Variants in CTNND1 observed in about 807,000 individuals in gnomAD.
CTNND1 encodes catenin delta-1.
Under a neutral mutation model 112.1 loss-of-function variants are expected in CTNND1, and 16 were observed. That is an observed-to-expected ratio of 0.14 (90% CI 0.10 to 0.22). The LOEUF (loss-of-function observed/expected upper bound fraction) is 0.22, where lower values mean the gene tolerates loss of function less well. Among genes scored for constraint, CTNND1 ranks in the 10% least tolerant of loss-of-function variants. CTNND1 has a pLI of 1.00. For synonymous variants in CTNND1, 420 were observed against 446.5 expected (o/e 0.94, Z 0.75); for missense variants, 1,008 against 1,257.0 (o/e 0.80, Z 3.00).
intron 1 of CTNND1, among the ~76,000 whole-genome samples, chr11:57,777,218 C>G (rs1954516442): frequency 6.6e-6 from 1 of 152,142 alleles, no homozygotes. Flanking sequence ...CTATTCAACC[C>G]TAGAATGGCT....
intron 7 of CTNND1, 73 bp from the exon 8 acceptor site, chr11:57,803,548 G>A: frequency 8.5e-7 from 1 of 1,172,476 alleles, no homozygotes; most frequent in Non-Finnish European, 1.2e-6. Flanking sequence ...TACGATAGGG[G>A]GATTCTCTTT....
In CTNND1 at chr11:57,786,556, G is replaced by A. The variant is rs78101930; in HGVS notation, c.-213-2481G>A. Reference sequence around the variant, plus strand: ...TCAAAAAAATAAATAAATAAAAAATGTAAGTGGCAAAGCTGGAAAGGCATT... The same window carrying A: ...TCAAAAAAATAAATAAATAAAAAATATAAGTGGCAAAGCTGGAAAGGCATT... On this transcript the variant is annotated intron_variant, in intron 1 of 20. Coordinates refer to ENST00000399050, the MANE Select transcript of CTNND1 (RefSeq NM_001085458.2). 9.7e-4 allele frequency among the ~76,000 whole-genome samples: 148 copies of A among 152,178 alleles called. 3 individuals are homozygous for A. The East Asian group carries it at 0.026, about 27-fold the overall frequency.
intron 16 of CTNND1, among the ~76,000 whole-genome samples, chr11:57,810,601 A>C (rs1271556983): frequency 6.6e-6 from 1 of 152,066 alleles, no homozygotes; most frequent in Non-Finnish European, 1.5e-5. Flanking sequence ...CTAGGATTAC[A>C]GGCATGAGCC....
At chr11:57,811,558 G>A in intron 17 of CTNND1, 72 bp downstream of exon 17, 1 of 971,938 alleles carries the variant, frequency 1.0e-6, no homozygotes, top group South Asian at 1.5e-5. Context: ...CTAAGAAATA[G>A]GATATATATT....
At position 57,816,397 on chromosome 11, in the gene CTNND1, A is replaced by C; in HGVS notation, c.*89A>C. 6.4e-7 allele frequency: 1 copy of C among 1,552,054 alleles called. No individual in the cohort carries two copies. Among genetic ancestry groups the C allele is most frequent in the Non-Finnish European group, 8.9e-7 (1 of 1,127,376 alleles). ...GATGATTTTCCTTTTTCTTCGCTGG[A>C]CTATTGTGCCAACTGCCAGGCTGCC... On this transcript the variant is annotated 3_prime_UTR_variant, in exon 21 of 21. Coordinates refer to ENST00000399050, the MANE Select transcript of CTNND1 (RefSeq NM_001085458.2).
At position 57,796,627 on chromosome 11, in the gene CTNND1, T is replaced by C. The variant is rs923476670; in HGVS notation, c.591T>C (p.Ala197=). 2 of 1,614,046 alleles carry C rather than the reference T, an allele frequency of 1.2e-6. No individual in the cohort carries two copies. The highest frequency in any genetic ancestry group is 1.7e-6 in the Non-Finnish European group (2 of 1,179,902). ...NGGPGPYVGQ[A]GTATLPRNFH... ...GACCTGGTCCCTATGTGGGGCAAGC[T>C]GGCACTGCTACCCTTCCTAGGAACT... Residue 197 remains alanine (A), a synonymous_variant, in exon 6 of 21, where the codon GCT becomes GCC. Transcript: ENST00000399050.
chr11:57,781,183 C>T (rs997327034), intron 1 of CTNND1, among the ~76,000 whole-genome samples: 2 of 152,022 alleles, frequency 1.3e-5, no homozygotes, highest in African/African-American at 2.4e-5. Flanking sequence ...GTGATCCACC[C>T]GCCTCAGCCT....
intron 1 of CTNND1, among the ~76,000 whole-genome samples, chr11:57,786,294 G>A (rs1267095399): frequency 6.6e-6 from 1 of 151,860 alleles, no homozygotes; most frequent in Non-Finnish European, 1.5e-5. Flanking sequence ...AGCACTATGG[G>A]AGGCTGAGGC....
In CTNND1 at chr11:57,767,254, C is replaced by A. The variant is rs139843952; in HGVS notation, c.-214+5135C>A. Among the ~76,000 whole-genome samples the A allele has an allele frequency of 4.7e-3, 717 of 152,168 alleles. 5 individuals are homozygous for A. The highest frequency in any genetic ancestry group is 0.017 in the African/African-American group (695 of 41,540). On this transcript the variant is annotated intron_variant, in intron 1 of 20. Transcript: ENST00000399050. ...CAGATTACAGTCTTGAGCCACTGCG[C>A]CCGGCCAGAATTTTATCTTAAAGCC...
intron 17 of CTNND1, 47 bp downstream of exon 17, chr11:57,811,533 G>GT (rs1335037873): frequency 1.6e-6 from 2 of 1,267,852 alleles, no homozygotes; most frequent in Admixed American, 3.8e-5. Context: ...CACTCTTGCT[G>GT]TTCTAGGTGG....
chr11:57,766,541 C>T lies in CTNND1; in HGVS notation c.-214+4422C>T, dbSNP rs117384865. On this transcript the variant is annotated intron_variant, in intron 1 of 20. Transcript: ENST00000399050. ...AAGTACAAATATTCTTTCATGTTCT[C>T]TTCCCTCAAAGAAGGGTTAAATGAC... is the stretch of plus-strand genomic sequence containing the variant. Among the ~76,000 whole-genome samples, 109 of 152,302 alleles carry T rather than the reference C, an allele frequency of 7.2e-4. No homozygotes were observed. In the East Asian group the frequency reaches 0.013, roughly 19 times the overall value.
rs192269566 is a variant in CTNND1 at position 57,813,507 on chromosome 11, G to A, written c.2639-804G>A. Among the ~76,000 whole-genome samples, 43 of 152,316 alleles carry A rather than the reference G, an allele frequency of 2.8e-4. No homozygotes were observed. The East Asian group carries it at 5.2e-3, about 18-fold the overall frequency. On this transcript the variant is annotated intron_variant, in intron 17 of 20. Transcript: ENST00000399050. ...AAAATCGTACATAGGTAATTGATCCGTTAAAAGTGCAAGATGGACCAATGG... is the reference window on the plus strand; with the variant it reads ...AAAATCGTACATAGGTAATTGATCCATTAAAAGTGCAAGATGGACCAATGG...
chr11:57,767,958 C>T (rs908314428), intron 1 of CTNND1, among the ~76,000 whole-genome samples: 2 of 151,802 alleles, frequency 1.3e-5, no homozygotes, highest in Non-Finnish European at 2.9e-5. Flanking sequence ...CTCAGCCTCC[C>T]GAGTAGCTGG....
intron 1 of CTNND1, among the ~76,000 whole-genome samples, chr11:57,764,870 G>A (rs1591079962): frequency 6.6e-6 from 1 of 152,218 alleles, no homozygotes; most frequent in Non-Finnish European, 1.5e-5. Context: ...TGGCACAGGG[G>A]CAGTACTCAC....
At chr11:57,812,225 A>G (rs547745168) in intron 17 of CTNND1, among the ~76,000 whole-genome samples, 1 of 152,326 alleles carries the variant, frequency 6.6e-6, no homozygotes, top group African/African-American at 2.4e-5. Flanking sequence ...TAACTGGAGA[A>G]GAAAAAACAT....
chr11:57,797,059 C>G, intron 6 of CTNND1, 67 bp downstream of exon 6: 1 of 1,347,138 alleles, frequency 7.4e-7, no homozygotes, highest in Non-Finnish European at 9.7e-7. Context: ...GCTTTTCCTT[C>G]AACTTCTAGG....
Position 57,796,442 on chromosome 11 carries a change from GT to G in CTNND1, c.421-12del, listed in dbSNP as rs2061375715. On this transcript the variant is annotated splice_polypyrimidine_tract_variant and intron_variant, in intron 5 of 20. Coordinates refer to ENST00000399050, the MANE Select transcript of CTNND1 (RefSeq NM_001085458.2). ...TCCTTAATTAGTTTTTCTTTTTCTT[GT>G]TTCCTACTTGCAGGTCAAGAAAGTA... The G allele has an allele frequency of 1.3e-6, 2 of 1,546,916 alleles. No individual in the cohort carries two copies. The highest frequency in any genetic ancestry group is 1.7e-6 in the Non-Finnish European group (2 of 1,149,664).
rs770936827 is a variant in CTNND1 at position 57,796,547 on chromosome 11, T to G, written c.511T>G (p.Ser171Ala). The G allele has an allele frequency of 5.7e-5, 92 of 1,613,914 alleles. No individual in the cohort carries two copies. The highest frequency in any genetic ancestry group is 3.7e-4 in the Admixed American group (22 of 60,006). ...DGLPVDASSV[S>A]NNYIQTLGRD... ...GTTGCCTGTGGATGCTTCATCAGTT[T>G]CTAACAACTATATCCAGACTTTGGG... Residue 171 changes from serine to alanine, a missense_variant, in exon 6 of 21, where the codon TCT becomes GCT. Ser to Ala is a moderately conservative substitution (Grantham distance 99, BLOSUM62 1). Transcript: ENST00000399050.
At chr11:57,797,771 G>A (rs1217877698) in intron 6 of CTNND1, among the ~76,000 whole-genome samples, 1 of 148,768 alleles carries the variant, frequency 6.7e-6, no homozygotes. Flanking sequence ...GAACCCGGGA[G>A]GCAGAGGTTG....
Sources: allele counts gnomAD v4.1 joint callset (sites outside exome capture counted in the v4.1 genomes callset), GRCh38; gene constraint gnomAD v4.1.1; transcripts MANE v1.5; gene names NCBI Gene and HGNC (gene_info 2026-07-23, HGNC 2026-07-21).